The following ANKFN1 variants were observed in gnomAD, a reference collection of about 807,000 sequenced individuals.
The protein encoded by ANKFN1 is ankyrin repeat and fibronectin type-III domain-containing protein 1.
Under a neutral mutation model 108.7 loss-of-function variants are expected in ANKFN1, and 74 were observed. That is an observed-to-expected ratio of 0.68 (90% CI 0.56 to 0.83). The LOEUF is 0.83. Ranked by LOEUF, ANKFN1 falls within the 40% of genes least tolerant of loss-of-function variation. The probability of loss-of-function intolerance (pLI) is 0.00; values close to 1 mark genes in which losing one functional copy is unlikely to be tolerated. For synonymous variants in ANKFN1, 547 were observed against 516.2 expected (o/e 1.06, Z -0.81); for missense variants, 1,505 against 1,382.3 (o/e 1.09, Z -1.41).
chr17:56,256,393 C>T (rs998522275), intron 3 of ANKFN1, among the ~76,000 whole-genome samples: 2 of 152,180 alleles, frequency 1.3e-5, no homozygotes, highest in East Asian at 1.9e-4. Flanking sequence ...TTGTCTAGTT[C>T]TCTGTCCTCA....
chr17:56,327,422 AG>A (rs1304111584), intron 4 of ANKFN1, among the ~76,000 whole-genome samples: 1 of 152,070 alleles, frequency 6.6e-6, no homozygotes, highest in Admixed American at 6.6e-5. Context: ...GTTCAGACAA[AG>A]TTGTGGCCTT....
At chr17:56,351,378 C>T (rs1457062501) in intron 5 of ANKFN1, among the ~76,000 whole-genome samples, 1 of 150,554 alleles carries the variant, frequency 6.6e-6, no homozygotes, top group African/African-American at 2.4e-5. Context: ...AAAATAGAAT[C>T]CAAAGAATGC....
intron 8 of ANKFN1, among the ~76,000 whole-genome samples, chr17:56,394,508 G>A (rs993142277): frequency 2.6e-5 from 4 of 152,160 alleles, no homozygotes; most frequent in African/African-American, 9.7e-5. Flanking sequence ...CCTGCCAGTG[G>A]AGATTTAACA....
At chr17:56,482,583 A>G in intron 18 of ANKFN1, 59 bp downstream of exon 18, 4 of 1,563,930 alleles carry the variant, frequency 2.6e-6, no homozygotes, top group Non-Finnish European at 3.5e-6. Flanking sequence ...TAAAATCACA[A>G]AGTTATATCT....
chr17:56,158,273 A>G (rs1696535686), intron 1 of ANKFN1, among the ~76,000 whole-genome samples: 1 of 152,168 alleles, frequency 6.6e-6, no homozygotes, highest in Admixed American at 6.5e-5. Context: ...TCAGTAACTG[A>G]GTTCAAGTGG....
At chr17:56,478,578 G>A (rs1232215985) in intron 16 of ANKFN1, among the ~76,000 whole-genome samples, 3 of 152,154 alleles carry the variant, frequency 2.0e-5, no homozygotes, top group African/African-American at 7.2e-5. Context: ...TGTTAGCTTT[G>A]GGAAAGTTGC....
At chr17:56,270,176 C>T (rs1206450860) in intron 3 of ANKFN1, among the ~76,000 whole-genome samples, 1 of 152,156 alleles carries the variant, frequency 6.6e-6, no homozygotes, top group Non-Finnish European at 1.5e-5. Flanking sequence ...TGGACAGGCA[C>T]ACCCCAATCT....
chr17:56,458,376 A>G (rs1028052962), intron 14 of ANKFN1, among the ~76,000 whole-genome samples: 4 of 152,194 alleles, frequency 2.6e-5, no homozygotes, highest in African/African-American at 9.6e-5. Flanking sequence ...CGTCCTATGC[A>G]TTAATGAGTA....
At chr17:56,181,317 A>AG (rs1432336050) in intron 1 of ANKFN1, among the ~76,000 whole-genome samples, 3 of 152,208 alleles carry the variant, frequency 2.0e-5, no homozygotes, top group Non-Finnish European at 4.4e-5. Context: ...TTTTAAAAAA[A>AG]GTACACATTT....
At chr17:56,296,630 G>A (rs1300651553) in intron 3 of ANKFN1, among the ~76,000 whole-genome samples, 1 of 152,144 alleles carries the variant, frequency 6.6e-6, no homozygotes, top group Non-Finnish European at 1.5e-5. Context: ...GTTGCAGTGG[G>A]CTGAGATCAC....
chr17:56,152,451 T>C (rs1428987779), upstream of ANKFN1, among the ~76,000 whole-genome samples: 1 of 152,044 alleles, frequency 6.6e-6, no homozygotes, highest in African/African-American at 2.4e-5. Context: ...AACATTTAGA[T>C]AGAGAGTTCC....
chr17:56,260,429 G>T (rs1483968560), intron 3 of ANKFN1, among the ~76,000 whole-genome samples: 1 of 151,982 alleles, frequency 6.6e-6, no homozygotes, highest in Non-Finnish European at 1.5e-5. Flanking sequence ...GCGGGGTAGG[G>T]GTGCTGATTC....
chr17:56,404,725 G>A (rs878996108), intron 8 of ANKFN1, among the ~76,000 whole-genome samples: 8 of 152,054 alleles, frequency 5.3e-5, no homozygotes, highest in Non-Finnish European at 8.8e-5. Context: ...TGGGGGGTAT[G>A]GAAGAGCCTT....
intron 19 of ANKFN1, among the ~76,000 whole-genome samples, chr17:56,496,966 A>AATTAGATC (rs1410589672): frequency 9.2e-5 from 14 of 152,212 alleles, no homozygotes; most frequent in South Asian, 6.2e-4. Flanking sequence ...AGATCTAAAG[A>AATTAGATC]ATTAGATCAT....
chr17:56,252,165 A>C (rs9889552), intron 3 of ANKFN1: 7,688 of 152,266 alleles, frequency 0.05, 233 homozygotes, highest in South Asian at 0.095. Context: ...TATAAATCTA[A>C]GGTTGTGACT....
intron 3 of ANKFN1, among the ~76,000 whole-genome samples, chr17:56,259,273 T>C (rs761700327): frequency 4.5e-4 from 69 of 152,206 alleles, no homozygotes; most frequent in Admixed American, 5.9e-4. Context: ...CTGACTCTTC[T>C]ATTTACAAAC....
At chr17:56,108,256 A>C (rs1754691728) in intron 4 of ANKFN1, among the ~76,000 whole-genome samples, 1 of 151,996 alleles carries the variant, frequency 6.6e-6, no homozygotes. Context: ...GGATGGTCTC[A>C]ATCTCTTGAC....
At chr17:56,231,747 A>G (rs540412997) in intron 3 of ANKFN1, among the ~76,000 whole-genome samples, 2 of 152,284 alleles carry the variant, frequency 1.3e-5, no homozygotes, top group Admixed American at 1.3e-4. Flanking sequence ...TCATATGTTA[A>G]TTACAATCCC....
chr17:56,156,833 C>G (rs762219814), intron 1 of ANKFN1, among the ~76,000 whole-genome samples: 1 of 152,184 alleles, frequency 6.6e-6, no homozygotes, highest in Non-Finnish European at 1.5e-5. Context: ...GCCATGCTCA[C>G]TCATTTATAG....
Sources: gnomAD v4.1 joint callset for allele counts (sites outside exome capture counted in the v4.1 genomes callset) on GRCh38, gnomAD v4.1.1 for gene constraint, MANE v1.5 for transcripts, NCBI Gene and HGNC (gene_info 2026-07-23, HGNC 2026-07-21) for gene names.